The following FBXL18 variants were observed in gnomAD, a reference collection of about 807,000 sequenced individuals.
FBXL18 encodes F-box/LRR-repeat protein 18.
FBXL18 carries 36 observed loss-of-function variants against 46.0 expected under a neutral mutation model. The ratio of observed to expected loss-of-function variants is 0.78; its 90% CI spans 0.60 to 1.03. FBXL18 has a LOEUF of 1.03. FBXL18 is among the 50% of genes least tolerant of loss of function. FBXL18 has a pLI of 0.00. For synonymous variants in FBXL18, 557 were observed against 465.3 expected (o/e 1.20, Z -2.54); for missense variants, 977 against 1,004.1 (o/e 0.97, Z 0.36).
At chr7:5,500,410 A>G in intron 3 of FBXL18, 78 bp downstream of exon 3, 1 of 1,352,376 alleles carries the variant, frequency 7.4e-7, no homozygotes. Context: ...CAGGCCAGCC[A>G]CCGAACTCCA....
chr7:5,513,075 G>A (rs35941828), intron 1 of FBXL18, among the ~76,000 whole-genome samples: 20 of 152,190 alleles, frequency 1.3e-4, no homozygotes, highest in Non-Finnish European at 2.9e-4. Context: ...TTTCTGCAGA[G>A]ACAATACTTT....
chr7:5,469,129 T>A (rs1783388959), intron 4 of FBXL18, among the ~76,000 whole-genome samples: 1 of 152,134 alleles, frequency 6.6e-6, no homozygotes, highest in South Asian at 2.1e-4. Context: ...GAATGAGTTA[T>A]GAGTGGACTC....
intron 4 of FBXL18, among the ~76,000 whole-genome samples, chr7:5,466,738 C>T (rs1783346221): frequency 6.6e-6 from 1 of 152,160 alleles, no homozygotes; most frequent in Non-Finnish European, 1.5e-5. Context: ...CGCCGTGCCA[C>T]GACCCAGCCA....
At chr7:5,503,329 A>G (rs1287417612) in intron 2 of FBXL18, among the ~76,000 whole-genome samples, 1 of 152,166 alleles carries the variant, frequency 6.6e-6, no homozygotes, top group East Asian at 1.9e-4. Context: ...CGTTGCAGTG[A>G]GCTATCATCG....
chr7:5,464,686 C>A (rs1425503361), intron 4 of FBXL18, among the ~76,000 whole-genome samples: 67 of 64,866 alleles, frequency 1.0e-3, no homozygotes, highest in Admixed American at 1.5e-3. Flanking sequence ...AAAAAAAACA[C>A]TAAGATGGTT....
chr7:5,464,720 G>A (rs1219006393), intron 4 of FBXL18, among the ~76,000 whole-genome samples: 1 of 147,062 alleles, frequency 6.8e-6, no homozygotes, highest in African/African-American at 2.5e-5. Context: ...AAAAAAAGTG[G>A]GTGGGAGCAT....
At chr7:5,466,915 C>G (rs1326972529) in intron 4 of FBXL18, among the ~76,000 whole-genome samples, 1 of 152,132 alleles carries the variant, frequency 6.6e-6, no homozygotes, top group East Asian at 1.9e-4. Flanking sequence ...GAATGCGCAA[C>G]AGAATTTACA....
intron 4 of FBXL18, among the ~76,000 whole-genome samples, chr7:5,486,698 C>T (rs1783785962): frequency 6.6e-6 from 1 of 152,174 alleles, no homozygotes; most frequent in African/African-American, 2.4e-5. Context: ...GGCCGATACC[C>T]AGTCGTGTGT....
chr7:5,487,608 T>C (rs1316423622), intron 4 of FBXL18, among the ~76,000 whole-genome samples: 1 of 152,194 alleles, frequency 6.6e-6, no homozygotes, highest in Non-Finnish European at 1.5e-5. Context: ...TCGAAGACTG[T>C]TTCTCCATCT....
intron 1 of FBXL18, among the ~76,000 whole-genome samples, chr7:5,509,445 A>T (rs1364490157): frequency 6.6e-6 from 1 of 152,070 alleles, no homozygotes; most frequent in African/African-American, 2.4e-5. Context: ...CGTAATCCCC[A>T]GCACTTTGGG....
intron 3 of FBXL18, among the ~76,000 whole-genome samples, chr7:5,493,920 G>C (rs1188305419): frequency 2.0e-5 from 3 of 150,720 alleles, no homozygotes; most frequent in Non-Finnish European, 4.4e-5. Context: ...GATCACCTGA[G>C]GTCAGGAGTT....
At position 5,506,256 on chromosome 7, in the gene FBXL18, CTTTTTTTTTTT is replaced by C. The variant is rs569464101; in HGVS notation, c.19-637_19-627del. Among the ~76,000 whole-genome samples the C allele has an allele frequency of 4.4e-3, 440 of 100,756 alleles. 2 individuals carry two copies. The highest frequency in any genetic ancestry group is 0.016 in the African/African-American group (422 of 26,194). The allele number at this position is 100,756 out of a possible 152,430, so 66.1% of individuals were successfully genotyped here. A position where few individuals can be genotyped will look rare whatever the true frequency, so the allele number is the denominator to read the frequency against. ...ACCATGCCCGGCCTCTTTTTTTTTT[CTTTTTTTTTTT>C]AGACAAGGTCTTGCTTTGTCACCCA... On this transcript the variant is annotated intron_variant, in intron 1 of 4. Coordinates refer to ENST00000382368, the MANE Select transcript of FBXL18 (RefSeq NM_024963.6).
At chr7:5,506,399 C>T (rs962227908) in intron 1 of FBXL18, among the ~76,000 whole-genome samples, 4 of 151,874 alleles carry the variant, frequency 2.6e-5, no homozygotes, top group African/African-American at 9.7e-5. Context: ...CAGGCGACTG[C>T]CACCACGCCC....
In FBXL18 at chr7:5,501,154, C is replaced by T. The variant is rs1584234637; in HGVS notation, c.1115G>A (p.Ser372Asn). The T allele has an allele frequency of 1.9e-6, 3 of 1,613,150 alleles. No homozygotes were observed. Among genetic ancestry groups the T allele is most frequent in the East Asian group, 4.5e-5 (2 of 44,856 alleles). Residue 372 changes from serine (S) to asparagine (N), a missense_variant, in exon 3 of 5, where the codon AGC (serine) becomes AAC (asparagine). Coordinates refer to ENST00000382368, the MANE Select transcript of FBXL18 (RefSeq NM_024963.6). ...CGCCACCAGAGTCTCCAGGATGCTG[C>T]TGTCGATGTCGTCCTCCGCCTTGCG... is the stretch of plus-strand genomic sequence containing the variant. ...LLRKAEDDID[S>N]SILETLVASC...
rs369115500 is a variant in FBXL18 at position 5,512,791 on chromosome 7, GTCATT to G, written c.18+861_18+865del. Among the ~76,000 whole-genome samples the G allele has an allele frequency of 6.1e-3, 932 of 152,180 alleles. 7 individuals are homozygous for G. Among genetic ancestry groups the G allele is most frequent in the African/African-American group, 0.022 (903 of 41,514 alleles). On this transcript the variant is annotated intron_variant, in intron 1 of 4. Transcript: ENST00000382368. The stretch of plus-strand genomic sequence containing the variant: ...CCTTGTCAATCAAGAAGCCACTGGG[GTCATT>G]TCTAGGCCGCATTCACTTCAAATGT...
rs1335386202 is a variant in FBXL18, at chr7:5,481,339, G to A, written c.*436C>T. On this transcript the variant is annotated 3_prime_UTR_variant, in exon 5 of 5. Transcript: ENST00000382368. ...CGGCCGACTGGACTTCAGGGGGACA[G>A]CATGTGGCCGCCCATCCACGGGGCC... is the stretch of plus-strand genomic sequence containing the variant. 1.7e-5 allele frequency: 3 copies of A among 177,538 alleles called. No individual in the cohort carries two copies. The highest frequency in any genetic ancestry group is 2.4e-5 in the Non-Finnish European group (2 of 81,846). The allele number at this position is 177,538 out of a possible 1,614,324, so 11.0% of individuals were successfully genotyped here.
intron 4 of FBXL18, among the ~76,000 whole-genome samples, chr7:5,487,298 G>C (rs886891029): frequency 2.0e-5 from 3 of 152,258 alleles, no homozygotes; most frequent in African/African-American, 7.2e-5. Context: ...CGTGGACGGG[G>C]CCTCTCCCAC....
chr7:5,461,265 G>A (rs553741602), intron 4 of FBXL18, among the ~76,000 whole-genome samples: 6 of 152,224 alleles, frequency 3.9e-5, no homozygotes, highest in Admixed American at 2.0e-4. Flanking sequence ...TTCCTTAATC[G>A]GCTGCATTTT....
chr7:5,468,997 G>GTA (rs1783386950), intron 4 of FBXL18, among the ~76,000 whole-genome samples: 1 of 119,008 alleles, frequency 8.4e-6, no homozygotes, highest in Non-Finnish European at 1.8e-5. Flanking sequence ...TGTGTGAATT[G>GTA]AGAGTGTGTG....
Sources: gnomAD v4.1 joint callset for allele counts (sites outside exome capture counted in the v4.1 genomes callset) on GRCh38, gnomAD v4.1.1 for gene constraint, MANE v1.5 for transcripts, NCBI Gene and HGNC (gene_info 2026-07-23, HGNC 2026-07-21) for gene names.